Variants in RASGEF1A observed in about 807,000 individuals in gnomAD.
RASGEF1A encodes the protein ras-GEF domain-containing family member 1A.
Under a neutral mutation model 56.4 loss-of-function variants are expected in RASGEF1A, and 18 were observed. The observed-to-expected ratio is 0.32, with a 90% CI of 0.22 to 0.47. RASGEF1A has a LOEUF of 0.47. Among genes scored for constraint, RASGEF1A ranks in the 20% least tolerant of loss-of-function variants. The pLI, the probability that RASGEF1A is intolerant of heterozygous loss-of-function variation, is 1.00. For synonymous variants in RASGEF1A, 245 were observed against 242.6 expected (o/e 1.01, Z -0.09); for missense variants, 422 against 627.1 (o/e 0.67, Z 3.49).
intron 1 of RASGEF1A, among the ~76,000 whole-genome samples, chr10:43,261,040 G>A (rs1031314839): frequency 2.6e-5 from 4 of 151,938 alleles, no homozygotes; most frequent in African/African-American, 9.7e-5. Context: ...AGGCTTGGTG[G>A]GTGCCTGGTG....
At chr10:43,211,012 C>T (rs1165144261) in intron 1 of RASGEF1A, among the ~76,000 whole-genome samples, 2 of 151,716 alleles carry the variant, frequency 1.3e-5, no homozygotes, top group Admixed American at 6.6e-5. Context: ...CAGGCTTGCA[C>T]GCAGCAGCCC....
intron 1 of RASGEF1A, among the ~76,000 whole-genome samples, chr10:43,258,364 C>T (rs1836464026): frequency 6.6e-6 from 1 of 152,150 alleles, no homozygotes; most frequent in South Asian, 2.1e-4. Context: ...TGAAGTCGCC[C>T]CTCCTAATAT....
At chr10:43,242,820 C>G (rs1007170678) in intron 1 of RASGEF1A, among the ~76,000 whole-genome samples, 1 of 152,198 alleles carries the variant, frequency 6.6e-6, no homozygotes, top group African/African-American at 2.4e-5. Flanking sequence ...GATGGAGTCT[C>G]GCTCACTCAT....
At chr10:43,228,631 C>CA (rs1840314746) in intron 1 of RASGEF1A, among the ~76,000 whole-genome samples, 11 of 152,214 alleles carry the variant, frequency 7.2e-5, no homozygotes, top group Non-Finnish European at 1.3e-4. Flanking sequence ...GCTGCTCTAT[C>CA]GCTGCAGAAT....
At chr10:43,241,779 C>T (rs1840504237) in intron 1 of RASGEF1A, among the ~76,000 whole-genome samples, 1 of 151,378 alleles carries the variant, frequency 6.6e-6, no homozygotes, top group African/African-American at 2.4e-5. Context: ...AAAAAAAAAA[C>T]ATGATCCAAC....
intron 1 of RASGEF1A, among the ~76,000 whole-genome samples, chr10:43,225,387 G>A (rs954005142): frequency 6.6e-6 from 1 of 150,604 alleles, no homozygotes; most frequent in Non-Finnish European, 1.5e-5. Context: ...CTCTGCATGT[G>A]TCTGTGTCTG....
intron 2 of RASGEF1A, 140 bp from the exon 3 acceptor site, chr10:43,203,560 C>T: frequency 7.3e-7 from 1 of 1,363,612 alleles, no homozygotes; most frequent in African/African-American, 1.5e-5. Context: ...TGCCCGGTTC[C>T]CTTCGCCTTG....
chr10:43,217,770 C>T (rs1443643395), intron 1 of RASGEF1A, among the ~76,000 whole-genome samples: 1 of 152,218 alleles, frequency 6.6e-6, no homozygotes, highest in East Asian at 1.9e-4. Flanking sequence ...CACAACCGGG[C>T]TGCATCCACC....
At chr10:43,200,422 A>G (rs1348146812) in intron 5 of RASGEF1A, among the ~76,000 whole-genome samples, 166 bp from the exon 6 acceptor site, 1 of 152,210 alleles carries the variant, frequency 6.6e-6, no homozygotes, top group Non-Finnish European at 1.5e-5. Context: ...CCACTGCAGG[A>G]CGACACTGCT....
chr10:43,196,644 C>A lies in RASGEF1A; in HGVS notation c.1349-96G>T. The stretch of plus-strand genomic sequence containing the variant: ...AGGAGTACAGCCCAGCACAAGGGGA[C>A]AGTGACCTCTGGCTGGGCTGAACAC... On this transcript the variant is annotated intron_variant, in intron 11 of 12. Transcript: ENST00000395810. This position sits in a 1 kb window ranked among gnomAD's most constrained non-coding sequence, Gnocchi z 4.6. 1.7e-6 allele frequency: 2 copies of A among 1,163,414 alleles called. No individual in the cohort carries two copies. The highest frequency in any genetic ancestry group is 1.2e-5 in the South Asian group (1 of 81,936). 72.1% of individuals were successfully genotyped at this position (1,163,414 alleles called of 1,614,324 possible).
At chr10:43,264,794 G>C (rs940598351) in intron 1 of RASGEF1A, among the ~76,000 whole-genome samples, 1 of 152,018 alleles carries the variant, frequency 6.6e-6, no homozygotes, top group Non-Finnish European at 1.5e-5. Flanking sequence ...ATGCAGAGAA[G>C]AGCATCCCTC....
At chr10:43,245,910 C>G (rs2505524) in intron 1 of RASGEF1A, among the ~76,000 whole-genome samples, 116,083 of 152,058 alleles carry the variant, frequency 0.76, 44,464 homozygotes, top group East Asian at 0.96. Context: ...GTTCTGGCCT[C>G]GGCAATTGGA....
intron 10 of RASGEF1A, 25 bp from the exon 11 acceptor site, chr10:43,197,124 G>A (rs770908800): frequency 1.2e-6 from 2 of 1,611,590 alleles, no homozygotes; most frequent in Non-Finnish European, 1.7e-6. Context: ...ACCAACTGAT[G>A]TTCATCTGTC....
intron 1 of RASGEF1A, among the ~76,000 whole-genome samples, chr10:43,264,186 G>A (rs1836583758): frequency 1.3e-5 from 2 of 151,926 alleles, no homozygotes; most frequent in South Asian, 2.1e-4. Context: ...AATTCCTGGT[G>A]TCCCAGCGCG....
At chr10:43,214,928 A>T (rs1840113634) in intron 1 of RASGEF1A, among the ~76,000 whole-genome samples, 2 of 152,254 alleles carry the variant, frequency 1.3e-5, no homozygotes, top group South Asian at 4.2e-4. Context: ...GGCTCAGCTC[A>T]CAGGACCCAA....
At chr10:43,199,594 C>T in intron 7 of RASGEF1A, 82 bp downstream of exon 7, 1 of 1,141,024 alleles carries the variant, frequency 8.8e-7, no homozygotes, top group Non-Finnish European at 1.3e-6. Context: ...AAAGTTCCAT[C>T]ATCTAATTCC....
chr10:43,209,279 G>A (rs1840034582), intron 1 of RASGEF1A: 3 of 928,612 alleles, frequency 3.2e-6, no homozygotes, highest in Non-Finnish European at 3.9e-6. Flanking sequence ...TGCTCCCAGA[G>A]AACCCGTTAT....
rs148044595 is a variant in RASGEF1A at position 43,261,707 on chromosome 10, G to A, written c.-7+5138C>T. On this transcript the variant is annotated intron_variant, in intron 1 of 12. Transcript: ENST00000395810. ...GGCAGAGGCTTGGGTCCTAGCAACT[G>A]GGGCCAACCCTCCTCTCCTCAGCCA... Among the ~76,000 whole-genome samples, 739 of 152,218 alleles carry A rather than the reference G, an allele frequency of 4.9e-3. 9 individuals carry two copies. Among genetic ancestry groups the A allele is most frequent in the African/African-American group, 0.017 (697 of 41,536 alleles).
chr10:43,224,961 T>C (rs549634950), intron 1 of RASGEF1A, among the ~76,000 whole-genome samples: 11 of 152,320 alleles, frequency 7.2e-5, no homozygotes, highest in African/African-American at 2.2e-4. Flanking sequence ...TGCCCATAAG[T>C]CTGTGTGGAG....
Sources: gnomAD v4.1 joint callset for allele counts (sites outside exome capture counted in the v4.1 genomes callset) on GRCh38, gnomAD v4.1.1 for gene constraint, Gnocchi (gnomAD v3.1) non-coding constraint, MANE v1.5 for transcripts, NCBI Gene and HGNC (gene_info 2026-07-23, HGNC 2026-07-21) for gene names.